The following OCA2 variants were observed in gnomAD, a reference collection of about 807,000 sequenced individuals.
The protein encoded by OCA2 is P protein.
In OCA2, 77 loss-of-function variants were observed where a neutral mutation model predicts 100.2. The ratio of observed to expected loss-of-function variants is 0.77; its 90% CI spans 0.64 to 0.93. The LOEUF is 0.93. Among genes scored for constraint, OCA2 ranks in the 40% least tolerant of loss-of-function variants. The probability of loss-of-function intolerance (pLI) is 0.00; values close to 1 mark genes in which losing one functional copy is unlikely to be tolerated. For missense variants in OCA2, 1,062 were observed against 1,089.1 expected (o/e 0.98, Z 0.35); for synonymous variants, 432 against 439.2 (o/e 0.98, Z 0.21).
At chr15:28,096,574 G>A (rs546991959) in intron 1 of OCA2, among the ~76,000 whole-genome samples, 1 of 152,238 alleles carries the variant, frequency 6.6e-6, no homozygotes, top group Non-Finnish European at 1.5e-5. Flanking sequence ...GTCCCGCTGA[G>A]GGCAGTGTAG....
At chr15:27,950,705 A>G in intron 18 of OCA2, 1 of 315,480 alleles carries the variant, frequency 3.2e-6, no homozygotes, top group South Asian at 2.5e-5. Flanking sequence ...TACATAAGAG[A>G]AAAGGAAGAC....
chr15:28,023,753 A>G (rs543360340), intron 5 of OCA2, among the ~76,000 whole-genome samples: 1 of 152,304 alleles, frequency 6.6e-6, no homozygotes, highest in African/African-American at 2.4e-5. Flanking sequence ...CGCAAAGCAC[A>G]GGCACAACCC....
At chr15:27,844,225 C>G (rs1486699869) in intron 23 of OCA2, among the ~76,000 whole-genome samples, 2 of 152,208 alleles carry the variant, frequency 1.3e-5, no homozygotes, top group Non-Finnish European at 2.9e-5. Flanking sequence ...CTCATCTCTG[C>G]ACAGTCCTCC....
At chr15:27,731,316 T>C in the OCA2 span, among the ~76,000 whole-genome samples, 1 of 152,264 alleles carries the variant, frequency 6.6e-6, no homozygotes, top group African/African-American at 2.4e-5. Flanking sequence ...ACTTATTAGT[T>C]CTCAGTGAGA....
chr15:27,890,091 A>G (rs561092104), intron 19 of OCA2, among the ~76,000 whole-genome samples: 5 of 152,358 alleles, frequency 3.3e-5, no homozygotes, highest in African/African-American at 9.6e-5. Context: ...AGAGATAATA[A>G]AGAAAAGAAT....
intron 19 of OCA2, among the ~76,000 whole-genome samples, chr15:27,913,909 AAGCAAGCAAGCAAGCAAGC>A (rs2038556542): frequency 2.1e-5 from 1 of 48,048 alleles, no homozygotes; most frequent in African/African-American, 9.8e-5. Context: ...GCAAGCAAGC[AAGCAAGCAAGCAAGCAAGC>A]AAGAAAGAAA....
At chr15:27,735,787 C>T in the OCA2 span, among the ~76,000 whole-genome samples, 1 of 152,128 alleles carries the variant, frequency 6.6e-6, no homozygotes, top group South Asian at 2.1e-4. Context: ...GAATCTTGTA[C>T]ACAGCAAAAC....
chr15:27,871,253 G>A lies in OCA2; in HGVS notation c.2145C>T (p.Val715=), dbSNP rs779836224. ...CGGCTATGAGGCGCTGCTCCTCTGG[G>A]ACCATCTGGAAGGAGGACAATAGCA... ...GEQTALLIKM[V]PEEQRLIAAI... Residue 715 remains valine, a synonymous_variant, in exon 21 of 24, where the codon GTC becomes GTT. Transcript: ENST00000354638. The A allele has an allele frequency of 6.2e-7, 1 of 1,613,482 alleles. No individual in the cohort carries two copies. Among genetic ancestry groups the A allele is most frequent in the South Asian group, 1.1e-5 (1 of 91,066 alleles).
chr15:27,871,466 G>A (rs1258151840), intron 20 of OCA2, among the ~76,000 whole-genome samples: 7 of 152,212 alleles, frequency 4.6e-5, no homozygotes, highest in Non-Finnish European at 8.8e-5. Flanking sequence ...GCCATGCCCA[G>A]ACCTGCCAGC....
intron 18 of OCA2, chr15:27,950,650 C>A: frequency 2.3e-6 from 1 of 441,994 alleles, no homozygotes; most frequent in Non-Finnish European, 4.5e-6. Context: ...CAGTCAAAAG[C>A]ACATACATCA....
chr15:27,860,880 G>T (rs2036105469), intron 21 of OCA2, among the ~76,000 whole-genome samples: 1 of 152,226 alleles, frequency 6.6e-6, no homozygotes, highest in South Asian at 2.1e-4. Context: ...TCAGCAGAGA[G>T]AAGAGCAGTA....
the OCA2 span, among the ~76,000 whole-genome samples, chr15:27,732,448 C>T: frequency 3.9e-5 from 6 of 152,226 alleles, no homozygotes; most frequent in East Asian, 7.8e-4. Flanking sequence ...CGCAAAGCCA[C>T]GATGGAAGAC....
intron 23 of OCA2, among the ~76,000 whole-genome samples, chr15:27,770,493 C>CGGCT (rs913460950): frequency 2.0e-5 from 3 of 147,468 alleles, no homozygotes; most frequent in Non-Finnish European, 3.0e-5. Context: ...GACCACCTCC[C>CGGCT]GGCTCCAGGA....
rs143703933 is a variant in OCA2, at chr15:28,086,338, G to C, written c.-21-4443C>G. Among the ~76,000 whole-genome samples, 324 of 152,318 alleles carry C rather than the reference G, an allele frequency of 2.1e-3. 2 individuals are homozygous for C. Among genetic ancestry groups the C allele is most frequent in the African/African-American group, 7.6e-3 (314 of 41,576 alleles). On this transcript the variant is annotated intron_variant, in intron 1 of 23. Coordinates refer to ENST00000354638, the MANE Select transcript of OCA2 (RefSeq NM_000275.3). ...GTAATGAGGTGTCCCACCCCACTCA[G>C]CCAGGGTGATATCAGCAGAGTCCTA...
intron 18 of OCA2, chr15:27,950,435 C>T (rs762573678): frequency 6.2e-5 from 27 of 435,254 alleles, no homozygotes; most frequent in Non-Finnish European, 1.2e-4. Flanking sequence ...TGTAATCCAC[C>T]AAATACAATT....
chr15:27,878,511 C>T (rs2036881969), intron 19 of OCA2, among the ~76,000 whole-genome samples: 1 of 152,108 alleles, frequency 6.6e-6, no homozygotes, highest in African/African-American at 2.4e-5. Flanking sequence ...TCTTTTCTTT[C>T]AGCACTTAAA....
intron 23 of OCA2, among the ~76,000 whole-genome samples, chr15:27,761,460 T>TAA (rs984895392): frequency 7.1e-6 from 1 of 140,180 alleles, no homozygotes; most frequent in East Asian, 2.1e-4. Context: ...AAATGGTGAT[T>TAA]AAAAAAAAAA....
intron 23 of OCA2, among the ~76,000 whole-genome samples, chr15:27,792,697 T>G (rs959171813): frequency 6.6e-6 from 1 of 152,168 alleles, no homozygotes; most frequent in Non-Finnish European, 1.5e-5. Context: ...CACCTAGCAC[T>G]CTGGACTGTG....
Position 28,027,927 on chromosome 15 carries a change from G to A in OCA2, c.459C>T (p.Ser153=), listed in dbSNP as rs2042803933. The A allele has an allele frequency of 6.2e-7, 1 of 1,614,128 alleles. No homozygotes were observed. The highest frequency in any genetic ancestry group is 2.2e-5 in the East Asian group (1 of 44,874). Residue 153 remains serine, a synonymous_variant, in exon 4 of 24, where the codon TCC becomes TCT. Coordinates refer to ENST00000354638, the MANE Select transcript of OCA2 (RefSeq NM_000275.3). ...GGCTGTCCAGAAGGTCTCCCTTCTC[G>A]GAGGAGGCAGATGCAGACAGACCAG... ...EVSGLSASAS[S]EKGDLLDSPH...
Sources: allele counts gnomAD v4.1 joint callset (sites outside exome capture counted in the v4.1 genomes callset), GRCh38; gene constraint gnomAD v4.1.1; transcripts MANE v1.5; gene names NCBI Gene and HGNC (gene_info 2026-07-23, HGNC 2026-07-21).